Variants in CDC42BPA observed in about 807,000 individuals in gnomAD.
CDC42BPA encodes the protein CDC42 binding protein kinase alpha.
CDC42BPA carries 80 observed loss-of-function variants against 223.5 expected under a neutral mutation model. That is an observed-to-expected ratio of 0.36 (90% CI 0.30 to 0.43). The LOEUF (loss-of-function observed/expected upper bound fraction) is 0.43, where lower values mean the gene tolerates loss of function less well. CDC42BPA is among the 20% of genes least tolerant of loss of function. The pLI is 1.00. For synonymous variants in CDC42BPA, 694 were observed against 718.6 expected (o/e 0.97, Z 0.55); for missense variants, 1,743 against 2,099.9 (o/e 0.83, Z 3.32).
At chr1:227,050,220 A>C (rs1339425753) in intron 22 of CDC42BPA, among the ~76,000 whole-genome samples, 1 of 152,188 alleles carries the variant, frequency 6.6e-6, no homozygotes, top group African/African-American at 2.4e-5. Context: ...ATGGTCAATA[A>C]ACATACAAAA....
At chr1:227,045,693 T>C (rs1477743879) in intron 23 of CDC42BPA, among the ~76,000 whole-genome samples, 2 of 152,240 alleles carry the variant, frequency 1.3e-5, no homozygotes, top group South Asian at 2.1e-4. Flanking sequence ...ACTCATCTAC[T>C]GAATTTAAAA....
At chr1:227,078,018 T>C (rs753335197) in intron 17 of CDC42BPA, among the ~76,000 whole-genome samples, 1 of 152,184 alleles carries the variant, frequency 6.6e-6, no homozygotes, top group Non-Finnish European at 1.5e-5. Flanking sequence ...ACCATTACCT[T>C]TGAAAAACCT....
rs1354635819 is a variant in CDC42BPA, at chr1:226,990,799, A to G, written c.*3469T>C. ...TAACAAAATGACATAATTCTAACCT[A>G]TGGAAGGAGAGAGAGGCTGAGAGCT... On this transcript the variant is annotated 3_prime_UTR_variant, in exon 37 of 37. Coordinates refer to ENST00000366766, the MANE Select transcript of CDC42BPA (RefSeq NM_001394014.1). 1 of 152,672 alleles carries G rather than the reference A, an allele frequency of 6.5e-6. No individual in the cohort carries two copies. The highest frequency in any genetic ancestry group is 2.4e-5 in the African/African-American group (1 of 41,458). The allele number at this position is 152,672 out of a possible 1,614,324, so 9.5% of individuals were successfully genotyped here. A position where few individuals can be genotyped will look rare whatever the true frequency, so the allele number is the denominator to read the frequency against.
At chr1:227,104,787 G>C (rs571870469) in intron 14 of CDC42BPA, among the ~76,000 whole-genome samples, 7 of 152,234 alleles carry the variant, frequency 4.6e-5, no homozygotes, top group Non-Finnish European at 7.4e-5. Flanking sequence ...AGATCAGGGT[G>C]ATGTATCTTA....
intron 31 of CDC42BPA, among the ~76,000 whole-genome samples, chr1:227,024,657 G>A (rs1667926397): frequency 6.6e-6 from 1 of 151,856 alleles, no homozygotes; most frequent in Non-Finnish European, 1.5e-5. Flanking sequence ...AGACTCAGTG[G>A]ATGAGTAAAG....
At chr1:227,290,790 T>C (rs544944073) in intron 1 of CDC42BPA, among the ~76,000 whole-genome samples, 46 of 152,200 alleles carry the variant, frequency 3.0e-4, no homozygotes, top group African/African-American at 1.0e-3. Context: ...TGGCCCAGAA[T>C]CCCTAAATCA....
intron 5 of CDC42BPA, among the ~76,000 whole-genome samples, chr1:227,176,509 TA>T (rs1666987625): frequency 6.6e-6 from 1 of 152,190 alleles, no homozygotes; most frequent in African/African-American, 2.4e-5. Context: ...TTCTCCCAAT[TA>T]TCACTACCTA....
intron 32 of CDC42BPA, among the ~76,000 whole-genome samples, chr1:227,021,304 T>C (rs1046045947): frequency 1.3e-5 from 2 of 152,106 alleles, no homozygotes; most frequent in Non-Finnish European, 2.9e-5. Context: ...TGGAGCACGA[T>C]AAAGTGGCAC....
chr1:227,009,273 A>C (rs73087677), intron 34 of CDC42BPA, among the ~76,000 whole-genome samples: 1 of 152,220 alleles, frequency 6.6e-6, no homozygotes, highest in Non-Finnish European at 1.5e-5. Flanking sequence ...TAAAGTGACA[A>C]GTAACCTAAG....
At position 227,139,235 on chromosome 1, in the gene CDC42BPA, T is replaced by C. The variant is rs192353640; in HGVS notation, c.1390+341A>G. 8.7e-4 allele frequency among the ~76,000 whole-genome samples: 132 copies of C among 152,220 alleles called. 1 individual carries two copies. Among genetic ancestry groups the C allele is most frequent in the African/African-American group, 3.0e-3 (126 of 41,558 alleles). ...CAGAGAATGACAGTGTGAAAGGAGC[T>C]AGAGCTCTTAAAGATTGAGCAAATA... On this transcript the variant is annotated intron_variant, in intron 10 of 36. Coordinates refer to ENST00000366766, the MANE Select transcript of CDC42BPA (RefSeq NM_001394014.1).
intron 22 of CDC42BPA, among the ~76,000 whole-genome samples, chr1:227,050,561 C>T (rs1558378975): frequency 6.6e-6 from 1 of 152,234 alleles, no homozygotes; most frequent in South Asian, 2.1e-4. Flanking sequence ...AAATATCCAA[C>T]TGCAGGAGAA....
At chr1:227,124,008 C>T (rs1302885350) in intron 11 of CDC42BPA, among the ~76,000 whole-genome samples, 1 of 151,938 alleles carries the variant, frequency 6.6e-6, no homozygotes, top group African/African-American at 2.4e-5. Flanking sequence ...ATTCTATTTT[C>T]TCATACAAAA....
rs116130496 is a variant in CDC42BPA at position 227,315,893 on chromosome 1, C to T, written c.178+1112G>A. ...GCAAATTGAATAATTAAAGTTATTA[C>T]GTGTAGACATTCTTGTATCAGTGGT... On this transcript the variant is annotated intron_variant, in intron 1 of 36. Transcript: ENST00000366766. Among the ~76,000 whole-genome samples, 416 of 143,782 alleles carry T rather than the reference C, an allele frequency of 2.9e-3. 4 individuals carry two copies. The highest frequency in any genetic ancestry group is 0.011 in the African/African-American group (399 of 37,792). 94.3% of individuals were successfully genotyped at this position (143,782 alleles called of 152,430 possible).
intron 1 of CDC42BPA, among the ~76,000 whole-genome samples, chr1:227,268,485 G>A (rs1011490751): frequency 7.3e-5 from 11 of 151,432 alleles, no homozygotes; most frequent in Admixed American, 4.0e-4. Flanking sequence ...TGTGATATGG[G>A]GAGGAGACAG....
chr1:227,081,019 T>C lies in CDC42BPA; in HGVS notation c.2356-2A>G. ...TAAGTTCTCATACAAAGTAGTAAGC[T>C]GAAAGATAGTTTTAAGACATGCATG... is the stretch of plus-strand genomic sequence containing the variant. On this transcript the variant is annotated splice_acceptor_variant, in intron 16 of 36. Transcript: ENST00000366766. LOFTEE classifies it high-confidence loss of function. 6.2e-7 allele frequency: 1 copy of C among 1,613,176 alleles called. No homozygotes were observed. The highest frequency in any genetic ancestry group is 8.5e-7 in the Non-Finnish European group (1 of 1,179,592).
At chr1:227,152,675 C>T (rs192402778) in intron 6 of CDC42BPA, among the ~76,000 whole-genome samples, 7 of 152,080 alleles carry the variant, frequency 4.6e-5, no homozygotes, top group East Asian at 1.9e-4. Flanking sequence ...ATAAACTGCA[C>T]GTAAGATACT....
At chr1:227,065,075 T>A (rs1271658683) in intron 21 of CDC42BPA, among the ~76,000 whole-genome samples, 6 of 148,094 alleles carry the variant, frequency 4.1e-5, no homozygotes, top group African/African-American at 1.5e-4. Context: ...CCAGCCTGTG[T>A]GAGAGAGCGA....
intron 4 of CDC42BPA, among the ~76,000 whole-genome samples, chr1:227,195,077 G>A (rs147164493): frequency 7.2e-5 from 11 of 152,330 alleles, no homozygotes; most frequent in South Asian, 2.1e-4. Flanking sequence ...TAGGAAATGT[G>A]TGTTAAACCA....
At chr1:227,239,502 T>C (rs770987763) in intron 2 of CDC42BPA, among the ~76,000 whole-genome samples, 2 of 152,122 alleles carry the variant, frequency 1.3e-5, no homozygotes, top group African/African-American at 4.8e-5. Flanking sequence ...GAGATGAAGA[T>C]TGGGTAAGTG....
Sources: allele counts gnomAD v4.1 joint callset (sites outside exome capture counted in the v4.1 genomes callset), GRCh38; gene constraint gnomAD v4.1.1; transcripts MANE v1.5; gene names NCBI Gene and HGNC (gene_info 2026-07-23, HGNC 2026-07-21).